ARHGEF10L: variants seen among roughly 807,000 people sequenced by gnomAD.
ARHGEF10L encodes Rho guanine nucleotide exchange factor 10 like.
Under a neutral mutation model 141.2 loss-of-function variants are expected in ARHGEF10L, and 69 were observed. The observed-to-expected ratio is 0.49, with a 90% CI of 0.40 to 0.60. The LOEUF is 0.60. Among genes scored for constraint, ARHGEF10L ranks in the 20% least tolerant of loss-of-function variants. The pLI is 0.00. For synonymous variants in ARHGEF10L, 711 were observed against 718.5 expected, an observed-to-expected ratio of 0.99 and a Z score of 0.17; for missense variants, 1,482 against 1,734.3, an observed-to-expected ratio of 0.85 and a Z score of 2.58.
chr1:17,578,708 A>T (rs2078332221), intron 1 of ARHGEF10L, among the ~76,000 whole-genome samples: 1 of 152,150 alleles, frequency 6.6e-6, no homozygotes, highest in African/African-American at 2.4e-5. Context: ...TGGGGGCTAT[A>T]TAAATTATAC....
intron 22 of ARHGEF10L, among the ~76,000 whole-genome samples, chr1:17,650,079 C>T (rs2061827480): frequency 6.6e-6 from 1 of 152,092 alleles, no homozygotes; most frequent in Non-Finnish European, 1.5e-5. Flanking sequence ...TTTTTTGGAT[C>T]CTTCTGGCTG....
chr1:17,583,006 A>C (rs4920378), intron 2 of ARHGEF10L, among the ~76,000 whole-genome samples: 4 of 150,172 alleles, frequency 2.7e-5, no homozygotes, highest in Non-Finnish European at 5.9e-5. Flanking sequence ...CTTGAGCTCC[A>C]GAGTTTGAGA....
chr1:17,680,844 C>T lies in ARHGEF10L; in HGVS notation c.3010-6729C>T, dbSNP rs191543039. On this transcript the variant is annotated intron_variant, in intron 26 of 28. Transcript: ENST00000361221. ...TGTTGCTCAGGCTGAATTGCAGTGG[C>T]GTGATCTCGGCTCACTGCAATTTCT... is the stretch of plus-strand genomic sequence containing the variant. 2.9e-3 allele frequency among the ~76,000 whole-genome samples: 434 copies of T among 147,144 alleles called. 1 individual carries two copies. Among genetic ancestry groups the T allele is most frequent in the Non-Finnish European group, 5.2e-3 (353 of 67,510 alleles).
At chr1:17,531,757 G>A in the ARHGEF10L span, among the ~76,000 whole-genome samples, 1 of 152,202 alleles carries the variant, frequency 6.6e-6, no homozygotes, top group Non-Finnish European at 1.5e-5. Flanking sequence ...GCAGCTTCTG[G>A]TGTGTTGCTC....
intron 22 of ARHGEF10L, among the ~76,000 whole-genome samples, chr1:17,651,832 G>T (rs1305239880): frequency 6.6e-6 from 1 of 152,170 alleles, no homozygotes; most frequent in Non-Finnish European, 1.5e-5. Flanking sequence ...AGCAGAGCCT[G>T]CCTGGCTGCA....
the ARHGEF10L span, among the ~76,000 whole-genome samples, chr1:17,516,597 A>G: frequency 6.6e-6 from 1 of 152,080 alleles, no homozygotes; most frequent in African/African-American, 2.4e-5. Context: ...GTGAGATGAG[A>G]AGGCAGCCCT....
rs80340390 is a variant in ARHGEF10L, at chr1:17,623,554, G to A, written c.1200+379G>A. On this transcript the variant is annotated intron_variant, in intron 12 of 28. Transcript: ENST00000361221. This position sits in a 1 kb window ranked among gnomAD's most constrained non-coding sequence, Gnocchi z 4.7. ...CTGTGAAAGACCACAACTTTGGCCC[G>A]GAGAGGATGTGCCGCAGTGCTGGGG... is the stretch of plus-strand genomic sequence containing the variant. 0.014 allele frequency among the ~76,000 whole-genome samples: 2,206 copies of A among 152,280 alleles called. 64 individuals are homozygous for A. Among genetic ancestry groups the A allele is most frequent in the African/African-American group, 0.05 (2,080 of 41,560 alleles).
chr1:17,521,385 G>A, the ARHGEF10L span, among the ~76,000 whole-genome samples: 143 of 152,124 alleles, frequency 9.4e-4, no homozygotes, highest in Non-Finnish European at 1.7e-3. Flanking sequence ...TAGTAGAGAC[G>A]GGGTTTCTCC....
intron 7 of ARHGEF10L, among the ~76,000 whole-genome samples, chr1:17,610,041 C>G (rs952940924): frequency 2.0e-5 from 3 of 152,214 alleles, no homozygotes; most frequent in Non-Finnish European, 4.4e-5. Flanking sequence ...CATGTTGTCC[C>G]CGGCCCTCTT....
At chr1:17,541,022 G>T (rs890692333) in intron 1 of ARHGEF10L, among the ~76,000 whole-genome samples, 1 of 152,208 alleles carries the variant, frequency 6.6e-6, no homozygotes, top group African/African-American at 2.4e-5. Context: ...GTGACTGTGG[G>T]CTGGGGACTG....
At position 17,664,510 on chromosome 1, in the gene ARHGEF10L, G is replaced by A. The variant is rs762516801; in HGVS notation, c.2924G>A (p.Arg975His). The change falls in exon 26 of 29, where the codon CGC becomes CAC. Residue 975 changes from arginine to histidine, a missense_variant. Around this residue, in one of 3 missense-constraint regions of ARHGEF10L, gnomAD observed 858 missense variants for 966.3 expected, o/e 0.89. Coordinates refer to ENST00000361221, the MANE Select transcript of ARHGEF10L (RefSeq NM_018125.4). ...VCLTVGPGPV[R>H]TLLSLEDAVW... ...CTGACTGTGGGGCCCGGGCCTGTCC[G>A]CACCCTGTTGAGCCTGGAGGATGCC... 1.6e-5 allele frequency: 26 copies of A among 1,607,552 alleles called. No homozygotes were observed. The highest frequency in any genetic ancestry group is 3.3e-5 in the Admixed American group (2 of 59,842).
chr1:17,531,272 C>T, the ARHGEF10L span, among the ~76,000 whole-genome samples: 17 of 152,164 alleles, frequency 1.1e-4, no homozygotes, highest in African/African-American at 3.1e-4. Context: ...GCCTCTTTCA[C>T]GTCCCTGACG....
intron 1 of ARHGEF10L, among the ~76,000 whole-genome samples, chr1:17,548,959 A>C (rs2100693231): frequency 6.7e-6 from 1 of 149,970 alleles, no homozygotes; most frequent in South Asian, 2.1e-4. Flanking sequence ...CTGGGATGGC[A>C]TATTCTGATC....
intron 1 of ARHGEF10L, among the ~76,000 whole-genome samples, chr1:17,546,705 T>A (rs1262112490): frequency 1.3e-5 from 2 of 152,314 alleles, no homozygotes; most frequent in Non-Finnish European, 2.9e-5. Context: ...TATGTTTTTT[T>A]AATTCAGTGT....
Position 17,582,240 on chromosome 1 carries a change from C to G in ARHGEF10L, c.37+1608C>G, listed in dbSNP as rs145954568. On this transcript the variant is annotated intron_variant, in intron 2 of 28. Transcript: ENST00000361221. ...TGCCTGGCCTTGCCCCATCCCGCCC[C>G]TGCTGCCATGGGCACCTGTTCCCTT... Among the ~76,000 whole-genome samples, 1,257 of 152,312 alleles carry G rather than the reference C, an allele frequency of 8.3e-3. 11 individuals are homozygous for G. Among genetic ancestry groups the G allele is most frequent in the Non-Finnish European group, 0.013 (909 of 68,028 alleles).
At chr1:17,527,032 G>A in the ARHGEF10L span, among the ~76,000 whole-genome samples, 22 of 152,114 alleles carry the variant, frequency 1.4e-4, no homozygotes, top group African/African-American at 5.3e-4. Context: ...ATCCCACTCT[G>A]CTTTCTAGCC....
At chr1:17,620,045 CA>C (rs1269927512) in intron 10 of ARHGEF10L, among the ~76,000 whole-genome samples, 2 of 151,564 alleles carry the variant, frequency 1.3e-5, no homozygotes, top group Non-Finnish European at 2.9e-5. Context: ...AAAAAACAAA[CA>C]AAAAAAATTA....
intron 4 of ARHGEF10L, among the ~76,000 whole-genome samples, chr1:17,601,596 C>A (rs1430161387): frequency 6.6e-6 from 1 of 152,184 alleles, no homozygotes; most frequent in Non-Finnish European, 1.5e-5. Flanking sequence ...CAGGCATGCA[C>A]CACCACGCCT....
At chr1:17,677,187 C>A (rs2063778186) in intron 26 of ARHGEF10L, among the ~76,000 whole-genome samples, 1 of 152,170 alleles carries the variant, frequency 6.6e-6, no homozygotes, top group South Asian at 2.1e-4. Context: ...AGTTTTGACT[C>A]CTACTGTGTG....
Sources: gnomAD v4.1 joint callset for allele counts (sites outside exome capture counted in the v4.1 genomes callset) on GRCh38, gnomAD v4.1.1 for gene constraint, gnomAD v4.1.1 regional missense constraint, Gnocchi (gnomAD v3.1) non-coding constraint, MANE v1.5 for transcripts, NCBI Gene and HGNC (gene_info 2026-07-23, HGNC 2026-07-21) for gene names.